The following RFX7 variants were observed in gnomAD, a reference collection of about 807,000 sequenced individuals.
RFX7 encodes regulatory factor X7, also known as DNA-binding protein RFX7.
RFX7 carries 26 observed loss-of-function variants against 111.8 expected under a neutral mutation model. That is an observed-to-expected ratio of 0.23 (90% CI 0.17 to 0.32). The LOEUF is 0.32. Among genes scored for constraint, RFX7 ranks in the 10% least tolerant of loss-of-function variants. The pLI, the probability that RFX7 is intolerant of heterozygous loss-of-function variation, is 1.00. For missense variants in RFX7, 1,573 were observed against 1,772.9 expected, an observed-to-expected ratio of 0.89 and a Z score of 2.02; for synonymous variants, 624 against 624.4, an observed-to-expected ratio of 1.00 and a Z score of 0.01.
At chr15:56,128,427 C>T (rs1310798064) in intron 5 of RFX7, among the ~76,000 whole-genome samples, 1 of 152,068 alleles carries the variant, frequency 6.6e-6, no homozygotes, top group African/African-American at 2.4e-5. Context: ...ATAGGTACAA[C>T]ATATAAAAAT....
At chr15:56,202,946 A>G (rs1200730026) in intron 2 of RFX7, among the ~76,000 whole-genome samples, 1 of 152,250 alleles carries the variant, frequency 6.6e-6, no homozygotes, top group African/African-American at 2.4e-5. Flanking sequence ...GAGTGCCATC[A>G]ATCATGATAC....
chr15:56,203,139 T>C (rs564949909), intron 2 of RFX7, among the ~76,000 whole-genome samples: 40 of 152,332 alleles, frequency 2.6e-4, no homozygotes, highest in Non-Finnish European at 3.7e-4. Context: ...GGGATTATAA[T>C]AGAACATGGG....
chr15:56,104,060 G>C (rs752048896), intron 5 of RFX7, among the ~76,000 whole-genome samples: 9 of 152,150 alleles, frequency 5.9e-5, no homozygotes, highest in Non-Finnish European at 1.3e-4. Context: ...ATGCACATCA[G>C]ACAGAGATAA....
intron 5 of RFX7, among the ~76,000 whole-genome samples, chr15:56,141,464 A>G (rs763432744): frequency 6.6e-5 from 10 of 151,838 alleles, no homozygotes; most frequent in Non-Finnish European, 1.3e-4. Context: ...AGACTGGTTA[A>G]AATGCTTGCC....
intron 2 of RFX7, among the ~76,000 whole-genome samples, chr15:56,208,495 C>T (rs1167860047): frequency 1.3e-5 from 2 of 152,090 alleles, no homozygotes; most frequent in African/African-American, 2.4e-5. Flanking sequence ...TTCAGTAACT[C>T]GCACCTGGTT....
At chr15:56,132,395 T>A (rs1224114703) in intron 5 of RFX7, among the ~76,000 whole-genome samples, 1 of 151,840 alleles carries the variant, frequency 6.6e-6, no homozygotes, top group African/African-American at 2.4e-5. Flanking sequence ...AGAAAGAAAA[T>A]TGAGTCCAGA....
At chr15:56,209,391 T>C (rs567269973) in intron 2 of RFX7, among the ~76,000 whole-genome samples, 139 of 152,138 alleles carry the variant, frequency 9.1e-4, no homozygotes, top group African/African-American at 3.2e-3. Flanking sequence ...AGGGAATTTG[T>C]TGCCAGTAGA....
chr15:56,241,111 T>C (rs752704198), intron 2 of RFX7, among the ~76,000 whole-genome samples: 1 of 152,136 alleles, frequency 6.6e-6, no homozygotes, highest in African/African-American at 2.4e-5. Context: ...CCAATAAGTG[T>C]ATCATTACAA....
intron 2 of RFX7, among the ~76,000 whole-genome samples, chr15:56,213,933 A>G (rs771944812): frequency 4.3e-4 from 65 of 152,170 alleles, no homozygotes; most frequent in Non-Finnish European, 7.5e-4. Flanking sequence ...TTGATTGTGG[A>G]TCAAGGGGTA....
At chr15:56,156,982 A>G (rs560014194) in intron 3 of RFX7, among the ~76,000 whole-genome samples, 36 of 152,330 alleles carry the variant, frequency 2.4e-4, no homozygotes, top group African/African-American at 8.4e-4. Flanking sequence ...ACTTCTAACA[A>G]GCACCTAGGA....
chr15:56,152,409 C>G (rs1263336974), intron 3 of RFX7, among the ~76,000 whole-genome samples: 2 of 152,146 alleles, frequency 1.3e-5, no homozygotes, highest in Non-Finnish European at 2.9e-5. Context: ...TTACCCCAAT[C>G]CGTACAAATA....
chr15:56,136,035 G>T (rs2042297292), intron 5 of RFX7, among the ~76,000 whole-genome samples: 1 of 152,138 alleles, frequency 6.6e-6, no homozygotes, highest in East Asian at 1.9e-4. Context: ...AGTATAGTTT[G>T]AAGTCAGGTA....
intron 5 of RFX7, among the ~76,000 whole-genome samples, chr15:56,134,322 G>A (rs867089121): frequency 1.3e-5 from 2 of 152,164 alleles, no homozygotes; most frequent in South Asian, 2.1e-4. Flanking sequence ...ATCAGGTTCC[G>A]CTCTAATCAC....
At chr15:56,123,863 T>C (rs1316129218) in intron 5 of RFX7, among the ~76,000 whole-genome samples, 3 of 152,210 alleles carry the variant, frequency 2.0e-5, no homozygotes, top group African/African-American at 4.8e-5. Context: ...GTTCCACAGC[T>C]GCTGCACTCT....
At chr15:56,222,850 T>C (rs2043441374) in intron 2 of RFX7, among the ~76,000 whole-genome samples, 2 of 152,216 alleles carry the variant, frequency 1.3e-5, no homozygotes, top group South Asian at 2.1e-4. Flanking sequence ...TTCATTTGTT[T>C]AGTAATTTTT....
At chr15:56,169,700 CTTTTTTTTT>C (rs35597885) in intron 3 of RFX7, among the ~76,000 whole-genome samples, 3 of 96,868 alleles carry the variant, frequency 3.1e-5, no homozygotes, top group Non-Finnish European at 2.0e-5. Flanking sequence ...CTAGTCAGTT[CTTTTTTTTT>C]TTTTTTTTTT....
intron 2 of RFX7, among the ~76,000 whole-genome samples, chr15:56,230,369 T>C (rs1177505945): frequency 3.3e-5 from 5 of 152,336 alleles, no homozygotes; most frequent in African/African-American, 9.6e-5. Context: ...TTGGGAAAAC[T>C]GAAACTCTCA....
At chr15:56,113,487 C>A (rs1006369720) in intron 5 of RFX7, among the ~76,000 whole-genome samples, 30 of 152,028 alleles carry the variant, frequency 2.0e-4, no homozygotes, top group Admixed American at 1.8e-3. Flanking sequence ...CAACACACAT[C>A]ATGGCCTGTT....
chr15:56,117,297 A>G (rs1406382102), intron 5 of RFX7, among the ~76,000 whole-genome samples: 1 of 152,150 alleles, frequency 6.6e-6, no homozygotes, highest in Admixed American at 6.5e-5. Context: ...AGATTTACTC[A>G]TATGGGTGTT....
Sources: gnomAD v4.1 joint callset for allele counts (sites outside exome capture counted in the v4.1 genomes callset) on GRCh38, gnomAD v4.1.1 for gene constraint, MANE v1.5 for transcripts, NCBI Gene and HGNC (gene_info 2026-07-23, HGNC 2026-07-21) for gene names.